The following EVC2 variants were observed in gnomAD, a reference collection of about 807,000 sequenced individuals.
The protein encoded by EVC2 is EvC ciliary complex subunit 2.
In EVC2, 148 loss-of-function variants were observed where a neutral mutation model predicts 149.3. The observed-to-expected ratio is 0.99, with a 90% CI of 0.87 to 1.14. EVC2 has a LOEUF of 1.14. Ranked by LOEUF, EVC2 falls within the 50% of genes most tolerant of loss-of-function variation. The pLI is 0.00. For synonymous variants in EVC2, 776 were observed against 649.9 expected (o/e 1.19, Z -2.95); for missense variants, 1,854 against 1,627.3 (o/e 1.14, Z -2.40).
Position 5,622,697 on chromosome 4 carries a change from C to T in EVC2, c.2341G>A (p.Gly781Ser), listed in dbSNP as rs1272970867. The part of the protein sequence containing the change: ...LFLQQILEEH[G>S]KEMAARAEQL... ...TCGGCCCGTGCAGCCATCTCCTTGC[C>T]GTGCTCCTCCAGGATCTGCTGCAGG... The change falls in exon 14 of 22, where the codon GGC becomes AGC. Residue 781 changes from glycine to serine, a missense_variant. By Grantham distance (56) the Gly-to-Ser change is moderately conservative. Transcript: ENST00000344408. The surrounding 1 kb of genome is among the most constrained non-coding windows in gnomAD (Gnocchi z 5.8). 8 of 1,614,126 alleles carry T rather than the reference C, an allele frequency of 5.0e-6. No individual in the cohort carries two copies. The highest frequency in any genetic ancestry group is 6.8e-6 in the Non-Finnish European group (8 of 1,180,030).
chr4:5,643,490 T>C (rs1235943407), intron 9 of EVC2, among the ~76,000 whole-genome samples: 2 of 152,262 alleles, frequency 1.3e-5, no homozygotes, highest in Admixed American at 6.5e-5. Flanking sequence ...TCCAGTGTCA[T>C]GTCAAACTTA....
intron 15 of EVC2, among the ~76,000 whole-genome samples, chr4:5,617,677 C>T (rs1012747860): frequency 6.6e-6 from 1 of 152,100 alleles, no homozygotes; most frequent in Non-Finnish European, 1.5e-5. Context: ...GGAAGGCTTC[C>T]TAGTGGAGGT....
Position 5,702,010 on chromosome 4 carries a change from C to T in EVC2, c.229-4363G>A, listed in dbSNP as rs116626998. On this transcript the variant is annotated intron_variant, in intron 1 of 21. Transcript: ENST00000344408. ...CTTGCCACTTTCCTGCTCACACATC[C>T]GCCTGCCATCTATTCTCACCCCTGC... 3.0e-3 allele frequency among the ~76,000 whole-genome samples: 450 copies of T among 152,190 alleles called. 1 individual carries two copies. The highest frequency in any genetic ancestry group is 6.8e-3 in the Middle Eastern group (2 of 294).
chr4:5,640,495 C>G lies in EVC2; in HGVS notation c.1470+19G>C, dbSNP rs1235098195. ...TGAGAGAAAGGGAAGTGAACGCCTT[C>G]CTTTCAGACCTGTCTTACCCTCTCA... On this transcript the variant is annotated intron_variant, in intron 10 of 21. Coordinates refer to ENST00000344408, the MANE Select transcript of EVC2 (RefSeq NM_147127.5). This position sits in a 1 kb window ranked among gnomAD's most constrained non-coding sequence, Gnocchi z 4.6. 1 of 1,613,958 alleles carries G rather than the reference C, an allele frequency of 6.2e-7. No homozygotes were observed. The highest frequency in any genetic ancestry group is 2.2e-5 in the East Asian group (1 of 44,850).
chr4:5,551,792 C>T (rs531815093), intron 21 of EVC2, among the ~76,000 whole-genome samples: 12 of 152,106 alleles, frequency 7.9e-5, no homozygotes, highest in Admixed American at 4.6e-4. Flanking sequence ...TCATGGGGGC[C>T]GGTCTTTCCC....
At chr4:5,589,566 G>A (rs1384448852) in intron 16 of EVC2, among the ~76,000 whole-genome samples, 2 of 152,122 alleles carry the variant, frequency 1.3e-5, no homozygotes, top group African/African-American at 4.8e-5. Context: ...TACTCAAAGG[G>A]TCTACCCTAG....
At position 5,657,554 on chromosome 4, in the gene EVC2, AC is replaced by A. The variant is rs1718604112; in HGVS notation, c.1145+5552del. On this transcript the variant is annotated intron_variant, in intron 9 of 21. Transcript: ENST00000344408. This position sits in a 1 kb window ranked among gnomAD's most constrained non-coding sequence, Gnocchi z 4.7. ...CTCATCCTAATCTTTGCTATCATGT[AC>A]CTTATAGCCTCAAATTTTCTCTGCA... is the stretch of plus-strand genomic sequence containing the variant. Among the ~76,000 whole-genome samples the A allele has an allele frequency of 6.6e-6, 1 of 151,822 alleles. No individual in the cohort carries two copies. Among genetic ancestry groups the A allele is most frequent in the Non-Finnish European group, 1.5e-5 (1 of 67,978 alleles).
rs748514374 is a variant in EVC2 at position 5,568,493 on chromosome 4, C to T, written c.3508G>A (p.Ala1170Thr). The T allele has an allele frequency of 1.9e-6, 3 of 1,584,800 alleles. No individual in the cohort carries two copies. The highest frequency in any genetic ancestry group is 1.7e-5 in the Admixed American group (1 of 57,242). ...TCCGCTCCGCCATCGCTCTCAGCTGCGTGGTCCACATGTCTCTCGGTGGCC... is the reference window on the plus strand; with the variant it reads ...TCCGCTCCGCCATCGCTCTCAGCTGTGTGGTCCACATGTCTCTCGGTGGCC... ...DSATERHVDH[A>T]AESDGGAEQA... The change falls in exon 20 of 22, where the codon GCA (alanine) becomes ACA (threonine). Residue 1170 changes from alanine (A) to threonine (T), a missense_variant. Transcript: ENST00000344408.
At chr4:5,704,819 C>T (rs1014411755) in intron 1 of EVC2, among the ~76,000 whole-genome samples, 1 of 152,010 alleles carries the variant, frequency 6.6e-6, no homozygotes, top group African/African-American at 2.4e-5. Flanking sequence ...CATCTTCCTG[C>T]CTCAGCCTCC....
intron 7 of EVC2, among the ~76,000 whole-genome samples, chr4:5,678,726 A>G (rs778728240): frequency 6.6e-6 from 1 of 152,222 alleles, no homozygotes; most frequent in Admixed American, 6.5e-5. Flanking sequence ...CGTACTAAGT[A>G]TTTGTATATA....
chr4:5,692,191 T>C (rs1721163815), intron 3 of EVC2, among the ~76,000 whole-genome samples: 1 of 152,214 alleles, frequency 6.6e-6, no homozygotes, highest in East Asian at 1.9e-4. Flanking sequence ...ATATTTTTTA[T>C]TTATTTTGTT....
chr4:5,642,765 G>T (rs928990712), intron 9 of EVC2, among the ~76,000 whole-genome samples: 5 of 152,140 alleles, frequency 3.3e-5, no homozygotes, highest in African/African-American at 1.2e-4. Flanking sequence ...TTGATAATTT[G>T]ATTTGGTGTA....
intron 9 of EVC2, among the ~76,000 whole-genome samples, chr4:5,650,634 TATATAGAGAGAGAGAG>T (rs1453381955): frequency 3.4e-5 from 2 of 58,212 alleles, no homozygotes; most frequent in East Asian, 6.1e-4. Context: ...TATATATATA[TATATAGAGAGAGAGAG>T]AGAGAGAGAG....
At chr4:5,568,287 G>T (rs547191158) in intron 20 of EVC2, among the ~76,000 whole-genome samples, 157 bp downstream of exon 20, 2 of 151,944 alleles carry the variant, frequency 1.3e-5, no homozygotes, top group South Asian at 4.2e-4. Flanking sequence ...ATGGCTCTGG[G>T]TGAACTTATT....
At chr4:5,668,647 A>G (rs887028379) in intron 7 of EVC2, among the ~76,000 whole-genome samples, 1 of 152,248 alleles carries the variant, frequency 6.6e-6, no homozygotes, top group Non-Finnish European at 1.5e-5. Flanking sequence ...CTGTAAAACA[A>G]CACAGTAGCT....
downstream of EVC2, among the ~76,000 whole-genome samples, chr4:5,561,626 AG>A (rs1179667487): frequency 1.3e-5 from 2 of 152,174 alleles, no homozygotes; most frequent in Non-Finnish European, 2.9e-5. Context: ...CCCATGGAAA[AG>A]GGACATCCAT....
At chr4:5,553,962 G>T (rs1258363190) in intron 21 of EVC2, among the ~76,000 whole-genome samples, 7 of 152,046 alleles carry the variant, frequency 4.6e-5, no homozygotes, top group South Asian at 2.1e-4. Context: ...GGAAATGACA[G>T]AAATGAAAGA....
chr4:5,616,216 T>C (rs1172913570), intron 15 of EVC2, among the ~76,000 whole-genome samples: 1 of 152,170 alleles, frequency 6.6e-6, no homozygotes. Context: ...CCCTGAGAAC[T>C]TTCCCAGCAC....
chr4:5,616,950 A>T (rs567850139), intron 15 of EVC2, among the ~76,000 whole-genome samples: 2 of 152,198 alleles, frequency 1.3e-5, no homozygotes, highest in African/African-American at 4.8e-5. Context: ...CCAGCGGCTT[A>T]TGGACTCCCT....
Sources: allele counts gnomAD v4.1 joint callset (sites outside exome capture counted in the v4.1 genomes callset), GRCh38; gene constraint gnomAD v4.1.1; non-coding constraint Gnocchi (gnomAD v3.1); transcripts MANE v1.5; gene names NCBI Gene and HGNC (gene_info 2026-07-23, HGNC 2026-07-21).